ERBIN: variants seen among roughly 807,000 people sequenced by gnomAD.
ERBIN encodes the protein erbb2 interacting protein.
A neutral mutation model predicts 158.4 loss-of-function variants in ERBIN; 60 were observed. That is an observed-to-expected ratio of 0.38 (90% confidence interval 0.31 to 0.47). The LOEUF is 0.47. Ranked by LOEUF, ERBIN falls within the 20% of genes least tolerant of loss-of-function variation. The pLI, the probability that ERBIN is intolerant of heterozygous loss-of-function variation, is 0.99. For missense variants in ERBIN, 1,610 were observed against 1,648.0 expected (o/e 0.98, Z 0.40); for synonymous variants, 594 against 557.2 (o/e 1.07, Z -0.93).
intron 1 of ERBIN, among the ~76,000 whole-genome samples, chr5:65,964,638 A>G (rs144601866): frequency 3.3e-5 from 5 of 152,238 alleles, no homozygotes; most frequent in Non-Finnish European, 7.4e-5. Flanking sequence ...CAACATTTGT[A>G]TGACACATAT....
intron 21 of ERBIN, 100 bp from the exon 22 acceptor site, chr5:66,072,069 A>G (rs1284177748): frequency 3.4e-5 from 43 of 1,267,680 alleles, no homozygotes; most frequent in East Asian, 2.9e-4. Context: ...TCTTTGCACT[A>G]TTTGGCAATA....
chr5:65,977,579 C>A (rs1228261933), intron 1 of ERBIN, among the ~76,000 whole-genome samples: 1 of 151,224 alleles, frequency 6.6e-6, no homozygotes, highest in African/African-American at 2.4e-5. Flanking sequence ...CAGAGACGCT[C>A]CTCACTTCCC....
intron 15 of ERBIN, among the ~76,000 whole-genome samples, chr5:66,040,297 T>C (rs7726797): frequency 0.04 from 6,129 of 152,038 alleles, 422 homozygotes; most frequent in African/African-American, 0.14. Flanking sequence ...CTTCTCATGC[T>C]GGTTTCTACT....
rs757817266 is a variant in ERBIN at position 66,054,114 on chromosome 5, A to G, written c.2796A>G (p.Ser932=). The stretch of plus-strand genomic sequence containing the variant: ...TGCAGGTATTTACTGGTTCTTCCTC[A>G]TCTTCTGATTTAATATCAGGAACAA... ...QPLQVFTGSS[S]SSDLISGTKA... Residue 932 remains serine, a synonymous_variant, in exon 21 of 26, where the codon TCA becomes TCG. Coordinates refer to ENST00000284037, the MANE Select transcript of ERBIN (RefSeq NM_001253697.2). 2 of 1,614,186 alleles carry G rather than the reference A, an allele frequency of 1.2e-6. No homozygotes were observed. Among genetic ancestry groups the G allele is most frequent in the Non-Finnish European group, 1.7e-6 (2 of 1,180,028 alleles).
At chr5:66,068,839 A>T (rs773342434) in intron 21 of ERBIN, 1 of 1,499,878 alleles carries the variant, frequency 6.7e-7, no homozygotes, top group South Asian at 1.3e-5. Flanking sequence ...TTTGCATGCT[A>T]CACTAATCTC....
intron 22 of ERBIN, among the ~76,000 whole-genome samples, 155 bp from the exon 23 acceptor site, chr5:66,074,869 T>G (rs1761845031): frequency 6.6e-6 from 1 of 152,226 alleles, no homozygotes; most frequent in Non-Finnish European, 1.5e-5. Context: ...CTTTTAAGTT[T>G]TAAAATTATA....
intron 23 of ERBIN, 107 bp from the exon 24 acceptor site, chr5:66,076,209 A>C (rs1023040534): frequency 7.8e-6 from 6 of 765,600 alleles, no homozygotes; most frequent in Non-Finnish European, 1.1e-5. Context: ...ATGAATTCTT[A>C]TGTTTATGTT....
intron 18 of ERBIN, among the ~76,000 whole-genome samples, chr5:66,048,113 G>A (rs115040914): frequency 1.2e-3 from 182 of 151,572 alleles, no homozygotes; most frequent in Non-Finnish European, 1.6e-3. Flanking sequence ...TGAAAGAATG[G>A]CATTTGGAAC....
At chr5:65,962,494 C>T (rs1748032190) in intron 1 of ERBIN, among the ~76,000 whole-genome samples, 1 of 152,108 alleles carries the variant, frequency 6.6e-6, no homozygotes, top group Non-Finnish European at 1.5e-5. Context: ...ATGGTTCTGC[C>T]TAAATCTCCG....
intron 20 of ERBIN, among the ~76,000 whole-genome samples, chr5:66,051,286 A>G (rs1561427086): frequency 6.6e-6 from 1 of 152,176 alleles, no homozygotes; most frequent in Non-Finnish European, 1.5e-5. Flanking sequence ...TTATAGTTAG[A>G]AATGCAGAAT....
At chr5:66,037,775 A>G (rs1211720792) in intron 14 of ERBIN, among the ~76,000 whole-genome samples, 2 of 152,162 alleles carry the variant, frequency 1.3e-5, no homozygotes, top group African/African-American at 2.4e-5. Context: ...GATGGATAAC[A>G]TTTGTTGACT....
At chr5:66,074,866 GT>G (rs1761844758) in intron 22 of ERBIN, among the ~76,000 whole-genome samples, 157 bp from the exon 23 acceptor site, 1 of 152,178 alleles carries the variant, frequency 6.6e-6, no homozygotes, top group Non-Finnish European at 1.5e-5. Flanking sequence ...TTTCTTTTAA[GT>G]TTTAAAATTA....
At chr5:65,940,804 G>C (rs1328694645) in intron 1 of ERBIN, among the ~76,000 whole-genome samples, 1 of 151,914 alleles carries the variant, frequency 6.6e-6, no homozygotes, top group Non-Finnish European at 1.5e-5. Context: ...CCACCACCCC[G>C]TCTGGGAAGT....
At chr5:66,035,293 T>G (rs1757288541) in intron 14 of ERBIN, among the ~76,000 whole-genome samples, 1 of 152,148 alleles carries the variant, frequency 6.6e-6, no homozygotes, top group South Asian at 2.1e-4. Flanking sequence ...CACCTACATG[T>G]CTCAAATTCA....
intron 17 of ERBIN, 113 bp downstream of exon 17, chr5:66,044,423 AATG>A: frequency 2.0e-6 from 2 of 998,184 alleles, no homozygotes; most frequent in South Asian, 1.8e-5. Context: ...TGCACCACAG[AATG>A]ATATTTCGGT....
At chr5:65,997,424 C>T (rs1363452921) in intron 4 of ERBIN, among the ~76,000 whole-genome samples, 1 of 151,932 alleles carries the variant, frequency 6.6e-6, no homozygotes, top group Non-Finnish European at 1.5e-5. Context: ...TTATTAAGGC[C>T]AGGTAGTCTT....
At position 65,999,177 on chromosome 5, in the gene ERBIN, T is replaced by G. The variant is rs191826711; in HGVS notation, c.307+4313T>G. 1.8e-3 allele frequency among the ~76,000 whole-genome samples: 272 copies of G among 151,012 alleles called. 1 individual carries two copies. Among genetic ancestry groups the G allele is most frequent in the African/African-American group, 6.5e-3 (264 of 40,318 alleles). On this transcript the variant is annotated intron_variant, in intron 4 of 25. Coordinates refer to ENST00000284037, the MANE Select transcript of ERBIN (RefSeq NM_001253697.2). The stretch of plus-strand genomic sequence containing the variant: ...TGAGGTCAGGAGTTTGTGACCAGCC[T>G]GGCGAATGTGGACCCCGTCTCTACT...
chr5:65,964,908 TTGTGTGTGTGTGTGTGTGTGTGTG>T (rs70987104), intron 1 of ERBIN, among the ~76,000 whole-genome samples: 2 of 107,260 alleles, frequency 1.9e-5, no homozygotes, highest in Non-Finnish European at 3.5e-5. Flanking sequence ...CCTGGCTGAT[TTGTGTGTGTGTGTGTGTGTGTGTG>T]TGTGTGTGTG....
chr5:65,950,011 T>C (rs942694880), intron 1 of ERBIN, among the ~76,000 whole-genome samples: 2 of 151,938 alleles, frequency 1.3e-5, no homozygotes, highest in Non-Finnish European at 2.9e-5. Context: ...TTCAGGTATT[T>C]CCCCGCTCCC....
Sources: allele counts gnomAD v4.1 joint callset (sites outside exome capture counted in the v4.1 genomes callset), GRCh38; gene constraint gnomAD v4.1.1; transcripts MANE v1.5; gene names NCBI Gene and HGNC (gene_info 2026-07-23, HGNC 2026-07-21).